Variants in EFCAB5 observed in about 807,000 individuals in gnomAD.
EFCAB5 encodes the protein EF-hand calcium-binding domain-containing protein 5.
EFCAB5 carries 131 observed loss-of-function variants against 167.9 expected under a neutral mutation model. The ratio of observed to expected loss-of-function variants is 0.78; its 90% CI spans 0.68 to 0.90. EFCAB5 has a LOEUF of 0.90. Ranked by LOEUF, EFCAB5 falls within the 40% of genes least tolerant of loss-of-function variation. EFCAB5 has a pLI of 0.00. For synonymous variants in EFCAB5, 574 were observed against 602.8 expected, an observed-to-expected ratio of 0.95 and a Z score of 0.70; for missense variants, 1,663 against 1,745.2, an observed-to-expected ratio of 0.95 and a Z score of 0.84.
chr17:29,937,273 G>A (rs982363976), upstream of EFCAB5, among the ~76,000 whole-genome samples: 4 of 151,702 alleles, frequency 2.6e-5, no homozygotes, highest in Middle Eastern at 3.2e-3. Context: ...TGCAACCTCC[G>A]CCTCCCAGGT....
chr17:30,069,388 G>A, intron 14 of EFCAB5: 1 of 1,548,356 alleles, frequency 6.5e-7, no homozygotes, highest in Non-Finnish European at 8.9e-7. Context: ...ATGAAGTGAG[G>A]CAGATCAAAG....
Position 30,053,661 on chromosome 17 carries a change from CAG to C in EFCAB5, c.1712_1713del (p.Glu571ValfsTer106), listed in dbSNP as rs2070167443. 1 of 1,613,944 alleles carries C rather than the reference CAG, an allele frequency of 6.2e-7. No individual in the cohort carries two copies. Among genetic ancestry groups the C allele is most frequent in the Non-Finnish European group, 8.5e-7 (1 of 1,179,860 alleles). ...RRLLTEQETH[R>X]ESTTEQGQHK... The stretch of plus-strand genomic sequence containing the variant: ...GGTTACTGACAGAACAAGAAACACA[CAG>C]AGAGTCAACTACAGAACAAGGACAG... On this transcript the variant is annotated frameshift_variant, in exon 10 of 23. Transcript: ENST00000394835. LOFTEE classifies it high-confidence loss of function.
chr17:30,047,930 A>G (rs947481658), intron 8 of EFCAB5, among the ~76,000 whole-genome samples: 4 of 152,166 alleles, frequency 2.6e-5, no homozygotes, highest in Non-Finnish European at 4.4e-5. Flanking sequence ...CCTCAAGTAC[A>G]TATTGTAGAT....
intron 1 of EFCAB5, chr17:29,929,927 G>C: frequency 1.3e-6 from 2 of 1,592,630 alleles, no homozygotes; most frequent in South Asian, 2.3e-5. Flanking sequence ...CGGCCGCCAG[G>C]AAGGACTCAC....
At chr17:29,966,586 T>C (rs2067832216) in intron 3 of EFCAB5, among the ~76,000 whole-genome samples, 1 of 152,192 alleles carries the variant, frequency 6.6e-6, no homozygotes, top group South Asian at 2.1e-4. Context: ...TATGGGTATA[T>C]GGTGTCAACA....
intron 1 of EFCAB5, among the ~76,000 whole-genome samples, chr17:29,932,311 CG>C (rs1284076024): frequency 6.6e-6 from 1 of 150,994 alleles, no homozygotes; most frequent in Non-Finnish European, 1.5e-5. Flanking sequence ...CCACCACACC[CG>C]GCTAGTTTTT....
chr17:30,079,967 A>G (rs2070949933), intron 15 of EFCAB5, 105 bp from the exon 16 acceptor site: 3 of 1,366,884 alleles, frequency 2.2e-6, no homozygotes, highest in East Asian at 4.7e-5. Context: ...ATTCAGGAAA[A>G]TGAAACTACT....
chr17:30,015,609 G>A (rs1308069400), intron 7 of EFCAB5, among the ~76,000 whole-genome samples: 1 of 152,114 alleles, frequency 6.6e-6, no homozygotes, highest in Non-Finnish European at 1.5e-5. Context: ...TCACATCCTT[G>A]CCAACACTTA....
At position 29,942,225 on chromosome 17, in the gene EFCAB5, C is replaced by A; in HGVS notation, c.43-15C>A. 1 of 1,575,222 alleles carries A rather than the reference C, an allele frequency of 6.3e-7. No homozygotes were observed. The highest frequency in any genetic ancestry group is 8.6e-7 in the Non-Finnish European group (1 of 1,160,246). On this transcript the variant is annotated splice_polypyrimidine_tract_variant and intron_variant, in intron 1 of 22. Transcript: ENST00000394835. ...TCTTTTTGGATGCCATTTACTAACACTGTTTGCATTTCAGGAAAACAGAAA... is the reference window on the plus strand; with the variant it reads ...TCTTTTTGGATGCCATTTACTAACAATGTTTGCATTTCAGGAAAACAGAAA...
chr17:30,028,980 G>A (rs761663227), intron 7 of EFCAB5, among the ~76,000 whole-genome samples: 6 of 152,010 alleles, frequency 3.9e-5, no homozygotes, highest in Non-Finnish European at 7.4e-5. Context: ...TTGAGATACC[G>A]AGGGTTAGGC....
intron 2 of EFCAB5, 30 bp downstream of exon 2, chr17:29,942,332 A>G (rs896223699): frequency 6.6e-7 from 1 of 1,517,176 alleles, no homozygotes; most frequent in African/African-American, 1.4e-5. Flanking sequence ...ATCAGATATT[A>G]ATGCTGGAGA....
At chr17:29,953,328 T>C (rs544436142) in intron 3 of EFCAB5, among the ~76,000 whole-genome samples, 1 of 152,304 alleles carries the variant, frequency 6.6e-6, no homozygotes, top group African/African-American at 2.4e-5. Context: ...CCAAGTGATA[T>C]GATTTGACTG....
intron 4 of EFCAB5, among the ~76,000 whole-genome samples, chr17:29,992,441 G>C (rs2068441591): frequency 1.3e-5 from 2 of 152,182 alleles, no homozygotes. Flanking sequence ...TCCACCTCCT[G>C]GGTTCACACC....
At chr17:29,977,972 T>A (rs529418960) in intron 4 of EFCAB5, among the ~76,000 whole-genome samples, 1 of 152,192 alleles carries the variant, frequency 6.6e-6, no homozygotes, top group East Asian at 1.9e-4. Flanking sequence ...GTACTTTTTG[T>A]ATTTTTTTTA....
At position 30,078,423 on chromosome 17, in the gene EFCAB5, G is replaced by A. The variant is rs1158091413; in HGVS notation, c.2946G>A (p.Leu982=). The A allele has an allele frequency of 7.4e-6, 12 of 1,613,846 alleles. No homozygotes were observed. The African/African-American group carries it at 1.5e-4, about 20-fold the overall frequency. Residue 982 remains leucine (L), a synonymous_variant, in exon 15 of 23, where the codon CTG becomes CTA. Transcript: ENST00000394835. Reference sequence around the variant, plus strand: ...GGAATTCTGCCAGGCGGAAATGGCTGCACCAAATCCAATGTGCTGCAGAGA... The same window carrying A: ...GGAATTCTGCCAGGCGGAAATGGCTACACCAAATCCAATGTGCTGCAGAGA... ...SLRNSARRKW[L]HQIQCAAETS...
Position 30,051,131 on chromosome 17 carries a change from A to G in EFCAB5, c.1214A>G (p.Asp405Gly). 1 of 1,613,900 alleles carries G rather than the reference A, an allele frequency of 6.2e-7. No individual in the cohort carries two copies. Among genetic ancestry groups the G allele is most frequent in the Non-Finnish European group, 8.5e-7 (1 of 1,179,818 alleles). The change falls in exon 9 of 23, where the codon GAT becomes GGT. Residue 405 changes from aspartate (D) to glycine (G), a missense_variant. Asp to Gly is a moderately conservative substitution (Grantham distance 94). Transcript: ENST00000394835. ...TTCTTTGCTTAGGTAGGGTTTTTGG[A>G]TCGGCAGAGGACATTGGCCCTGCTG... ...HCDHGKVGFL[D>G]RQRTLALLEL...
At position 30,059,700 on chromosome 17, in the gene EFCAB5, A is replaced by C; in HGVS notation, c.2736A>C (p.Lys912Asn). Residue 912 changes from lysine to asparagine, a missense_variant and splice_region_variant, in exon 14 of 23, where the codon AAA (lysine) becomes AAC (asparagine). By Grantham distance (94) the Lys-to-Asn change is moderately conservative. Transcript: ENST00000394835. ...KEGMEKESMK[K>N]AKLHIQFPKP... ...GAATGGAAAAAGAATCTATGAAGAA[A>C]GGTAAAATATAAGAATGTTCTTATT... 6.3e-7 allele frequency: 1 copy of C among 1,593,318 alleles called. No homozygotes were observed. The highest frequency in any genetic ancestry group is 8.6e-7 in the Non-Finnish European group (1 of 1,168,950).
intron 7 of EFCAB5, among the ~76,000 whole-genome samples, chr17:30,005,089 T>C (rs7223786): frequency 0.62 from 94,167 of 152,040 alleles, 31,352 homozygotes; most frequent in African/African-American, 0.87. Context: ...ACAAATATGT[T>C]AAAGAATAAA....
In EFCAB5 at chr17:29,968,834, A is replaced by G; in HGVS notation, c.234A>G (p.Ile78Met). The change falls in exon 4 of 23, where the codon ATA becomes ATG. Residue 78 changes from isoleucine (I) to methionine (M), a missense_variant. Coordinates refer to ENST00000394835, the MANE Select transcript of EFCAB5 (RefSeq NM_198529.4). ...AGCGAAAAATTTCACCTGGTTCAAT[A>G]AAGGACTCTAAAACTGAAGCCTCAG... Reference protein sequence around the residue: ...EGQRKISPGSIKDSKTEASGN... With the variant: ...EGQRKISPGSMKDSKTEASGN... 1 of 1,535,376 alleles carries G rather than the reference A, an allele frequency of 6.5e-7. No individual in the cohort carries two copies. Among genetic ancestry groups the G allele is most frequent in the South Asian group, 1.3e-5 (1 of 78,920 alleles).
Sources: allele counts gnomAD v4.1 joint callset (sites outside exome capture counted in the v4.1 genomes callset), GRCh38; gene constraint gnomAD v4.1.1; transcripts MANE v1.5; gene names NCBI Gene and HGNC (gene_info 2026-07-23, HGNC 2026-07-21).